The following KCNIP4 variants were observed in gnomAD, a reference collection of about 807,000 sequenced individuals.
KCNIP4 encodes the protein Kv channel-interacting protein 4.
Under a neutral mutation model 34.0 loss-of-function variants are expected in KCNIP4, and 12 were observed. The observed-to-expected ratio is 0.35, with a 90% CI of 0.23 to 0.57. The LOEUF (loss-of-function observed/expected upper bound fraction) is 0.57, where lower values mean the gene tolerates loss of function less well. KCNIP4 is among the 20% of genes least tolerant of loss of function. The probability of loss-of-function intolerance (pLI) is 0.83; values close to 1 mark genes in which losing one functional copy is unlikely to be tolerated. For synonymous variants in KCNIP4, 124 were observed against 102.2 expected (o/e 1.21, Z -1.29); for missense variants, 238 against 311.7 (o/e 0.76, Z 1.78).
chr4:21,449,141 A>G (rs576110532), intron 1 of KCNIP4, among the ~76,000 whole-genome samples: 15 of 152,336 alleles, frequency 9.8e-5, no homozygotes, highest in African/African-American at 3.4e-4. Flanking sequence ...ATGGGCTGAA[A>G]GGACATAACC....
At chr4:20,953,571 A>G (rs1733003081) in intron 1 of KCNIP4, among the ~76,000 whole-genome samples, 1 of 152,166 alleles carries the variant, frequency 6.6e-6, no homozygotes, top group South Asian at 2.1e-4. Context: ...GGTCCCGGCT[A>G]CTTGAGAGGC....
At chr4:21,326,186 T>A (rs1309511376) in intron 1 of KCNIP4, among the ~76,000 whole-genome samples, 3 of 151,758 alleles carry the variant, frequency 2.0e-5, no homozygotes, top group African/African-American at 7.2e-5. Context: ...TAAAAGTGAG[T>A]GTTGAAGTCT....
chr4:21,631,092 T>C (rs944263763), intron 1 of KCNIP4, among the ~76,000 whole-genome samples: 5 of 152,198 alleles, frequency 3.3e-5, no homozygotes, highest in Admixed American at 3.3e-4. Context: ...TATCTTATTA[T>C]TGCTTCTCTT....
intron 3 of KCNIP4, among the ~76,000 whole-genome samples, chr4:20,809,787 C>G (rs1715499890): frequency 1.3e-5 from 2 of 152,166 alleles, no homozygotes; most frequent in South Asian, 4.1e-4. Context: ...GTTTGGCTTG[C>G]CCCATGGAGG....
At chr4:20,970,035 G>C (rs948132375) in intron 1 of KCNIP4, among the ~76,000 whole-genome samples, 2 of 151,176 alleles carry the variant, frequency 1.3e-5, no homozygotes, top group African/African-American at 4.9e-5. Context: ...TCTGCCTCCC[G>C]GGTTCACTCC....
chr4:21,333,763 A>G (rs1388625253), intron 1 of KCNIP4, among the ~76,000 whole-genome samples: 2 of 152,140 alleles, frequency 1.3e-5, no homozygotes, highest in Non-Finnish European at 2.9e-5. Flanking sequence ...AAAAATCAAT[A>G]AAAATCTTCT....
chr4:21,311,008 G>A (rs943644149), intron 1 of KCNIP4, among the ~76,000 whole-genome samples: 7 of 152,188 alleles, frequency 4.6e-5, no homozygotes, highest in African/African-American at 9.7e-5. Flanking sequence ...GAGGTTAAGA[G>A]TATGCTTGGG....
chr4:20,940,951 A>G (rs1189852022), intron 1 of KCNIP4, among the ~76,000 whole-genome samples: 3 of 152,196 alleles, frequency 2.0e-5, no homozygotes, highest in African/African-American at 7.2e-5. Context: ...TGCCTGAGTG[A>G]CAATGAGCAC....
chr4:21,200,262 G>T lies in KCNIP4; in HGVS notation c.62-317553C>A, dbSNP rs1017124564. Among the ~76,000 whole-genome samples, 4 of 150,928 alleles carry T rather than the reference G, an allele frequency of 2.7e-5. No homozygotes were observed. In the South Asian group the frequency reaches 8.4e-4, roughly 32 times the overall value. On this transcript the variant is annotated intron_variant, in intron 1 of 8. Coordinates refer to ENST00000382152, the MANE Select transcript of KCNIP4 (RefSeq NM_025221.6). ...TTGCAAAGATAAGGAATCAACTGATGAGTGGATAAAGAAAATGTGATGTGT... is the reference window on the plus strand; with the variant it reads ...TTGCAAAGATAAGGAATCAACTGATTAGTGGATAAAGAAAATGTGATGTGT...
intron 1 of KCNIP4, among the ~76,000 whole-genome samples, chr4:21,203,476 T>C (rs536475221): frequency 5.9e-5 from 9 of 152,360 alleles, no homozygotes; most frequent in African/African-American, 2.2e-4. Context: ...TATTCTACTT[T>C]GATTCCAACT....
At chr4:21,902,521 G>C (rs562628266) in intron 1 of KCNIP4, among the ~76,000 whole-genome samples, 2 of 152,218 alleles carry the variant, frequency 1.3e-5, no homozygotes, top group Non-Finnish European at 2.9e-5. Context: ...TTCTGGGAAA[G>C]AGACATTCCA....
intron 1 of KCNIP4, among the ~76,000 whole-genome samples, chr4:21,869,310 C>T (rs1265339357): frequency 6.6e-6 from 1 of 152,118 alleles, no homozygotes; most frequent in Non-Finnish European, 1.5e-5. Flanking sequence ...AACTCCTTTT[C>T]CTTTATTCTC....
intron 1 of KCNIP4, among the ~76,000 whole-genome samples, chr4:21,691,235 C>T (rs996500077): frequency 6.6e-6 from 1 of 152,178 alleles, no homozygotes; most frequent in African/African-American, 2.4e-5. Context: ...GTAGCAGAAA[C>T]TCTGAAAGTA....
chr4:21,857,129 G>C (rs1426432610), intron 1 of KCNIP4, among the ~76,000 whole-genome samples: 3 of 152,234 alleles, frequency 2.0e-5, no homozygotes, highest in Non-Finnish European at 4.4e-5. Flanking sequence ...CAGTTCTGCA[G>C]AGTGGGAACT....
At chr4:21,766,990 T>C (rs1718461311) in intron 1 of KCNIP4, among the ~76,000 whole-genome samples, 1 of 152,090 alleles carries the variant, frequency 6.6e-6, no homozygotes, top group Non-Finnish European at 1.5e-5. Context: ...GAAACAATGA[T>C]TTGAGATCAA....
intron 1 of KCNIP4, among the ~76,000 whole-genome samples, chr4:21,443,498 A>T (rs938855595): frequency 6.6e-6 from 1 of 152,212 alleles, no homozygotes; most frequent in Non-Finnish European, 1.5e-5. Context: ...GTAGACTTTG[A>T]ATAAAGCAGA....
At chr4:21,021,907 A>ATAGTG (rs1490684240) in intron 1 of KCNIP4, among the ~76,000 whole-genome samples, 4 of 151,638 alleles carry the variant, frequency 2.6e-5, no homozygotes, top group Non-Finnish European at 4.4e-5. Context: ...ATAGTATAGT[A>ATAGTG]TAGTACATAA....
chr4:21,849,771 C>A (rs915025353), intron 1 of KCNIP4: 2 of 151,748 alleles, frequency 1.3e-5, no homozygotes, highest in African/African-American at 2.4e-5. Context: ...TTATGCACAG[C>A]AAAAGAATTC....
chr4:21,253,455 C>T (rs775982465), intron 1 of KCNIP4, among the ~76,000 whole-genome samples: 2 of 152,148 alleles, frequency 1.3e-5, no homozygotes, highest in African/African-American at 4.8e-5. Context: ...CATTCAAACT[C>T]CTTGTTAGCA....
Sources: allele counts gnomAD v4.1 joint callset (sites outside exome capture counted in the v4.1 genomes callset), GRCh38; gene constraint gnomAD v4.1.1; transcripts MANE v1.5; gene names NCBI Gene and HGNC (gene_info 2026-07-23, HGNC 2026-07-21).